AGAP4: variants seen among roughly 807,000 people sequenced by gnomAD.
AGAP4 encodes ArfGAP with GTPase domain, ankyrin repeat and PH domain 4.
AGAP4 carries 13 observed loss-of-function variants against 60.7 expected under a neutral mutation model. That is an observed-to-expected ratio of 0.21 (90% CI 0.14 to 0.34). The LOEUF (loss-of-function observed/expected upper bound fraction) is 0.34. Among genes scored for constraint, AGAP4 ranks in the 10% least tolerant of loss-of-function variants. The pLI, the probability that AGAP4 is intolerant of heterozygous loss-of-function variation, is 1.00. For synonymous variants in AGAP4, 70 were observed against 339.0 expected (o/e 0.21, Z 8.72); for missense variants, 169 against 884.0 (o/e 0.19, Z 10.26).
At chr10:45,828,598 T>C (rs1158432845) in intron 6 of AGAP4, among the ~76,000 whole-genome samples, 2 of 147,434 alleles carry the variant, frequency 1.4e-5, no homozygotes, top group East Asian at 2.0e-4. Context: ...TGTGCCTGTG[T>C]ATAAACCAGT....
At chr10:45,846,250 T>A (rs1554899448) in intron 2 of AGAP4, among the ~76,000 whole-genome samples, 1 of 151,454 alleles carries the variant, frequency 6.6e-6, no homozygotes, top group Non-Finnish European at 1.5e-5. Context: ...CACAACCATT[T>A]TTCTGCAGCC....
Position 45,832,573 on chromosome 10 carries a change from T to C in AGAP4, c.498-1144A>G, listed in dbSNP as rs1242986278. On this transcript the variant is annotated intron_variant, in intron 5 of 7. Transcript: ENST00000616763. ...AGCAGCAAAGTTTGGAATGATTGAG[T>C]TGGGGTGAAAATCAGAATCTTCTGG... is the stretch of plus-strand genomic sequence containing the variant. Among the ~76,000 whole-genome samples, 158 of 144,488 alleles carry C rather than the reference T, an allele frequency of 1.1e-3. 2 individuals carry two copies. The highest frequency in any genetic ancestry group is 3.7e-3 in the African/African-American group (141 of 38,496). The allele number at this position is 144,488 out of a possible 152,430, so 94.8% of individuals were successfully genotyped here.
chr10:45,847,541 G>A, upstream of AGAP4: 1 of 1,468,362 alleles, frequency 6.8e-7, no homozygotes, highest in Non-Finnish European at 8.9e-7. Context: ...AGGGCTGCGG[G>A]CCAAGGCCCG....
rs1352460724 is a variant in AGAP4 at position 45,844,255 on chromosome 10, A to G, written c.361+71T>C. On this transcript the variant is annotated intron_variant, in intron 3 of 7. Transcript: ENST00000616763. ...TTTAAACCAATATGAGTTTTTCTAAATACTTTCTATAACCTGATCAAACAA... is the reference window on the plus strand; with the variant it reads ...TTTAAACCAATATGAGTTTTTCTAAGTACTTTCTATAACCTGATCAAACAA... The G allele has an allele frequency of 3.2e-6, 5 of 1,575,304 alleles. No homozygotes were observed. The East Asian group carries it at 9.0e-5, about 28-fold the overall frequency.
intron 4 of AGAP4, among the ~76,000 whole-genome samples, chr10:45,838,769 A>T (rs1554898290): frequency 1.3e-5 from 2 of 151,686 alleles, no homozygotes; most frequent in South Asian, 2.1e-4. Context: ...AGATATGAGG[A>T]CTTGCGATGT....
exon 1 of AGAP4, chr10:45,853,703 A>C (rs2059110178): frequency 1.6e-5 from 21 of 1,287,798 alleles, no homozygotes; most frequent in Middle Eastern, 6.5e-4. Flanking sequence ...GTTGGTCAGA[A>C]GCTCCTCTTG....
At position 45,841,104 on chromosome 10, in the gene AGAP4, AT is replaced by A. The variant is rs782328893; in HGVS notation, c.396+548del. 4.5e-3 allele frequency among the ~76,000 whole-genome samples: 317 copies of A among 69,922 alleles called. 21 individuals carry two copies. The highest frequency in any genetic ancestry group is 6.2e-3 in the Non-Finnish European group (218 of 35,124). 45.9% of individuals were successfully genotyped at this position (69,922 alleles called of 152,430 possible). A position where few individuals can be genotyped will look rare whatever the true frequency, so the allele number is the denominator to read the frequency against. ...AAAATAAGATTAAATATTTAAGGCA[AT>A]TTTTTTTTTTTTTTTGAGACAGAGT... On this transcript the variant is annotated intron_variant, in intron 4 of 7. Coordinates refer to ENST00000616763, the MANE Select transcript of AGAP4 (RefSeq NM_001276343.3).
chr10:45,851,291 C>T (rs1394899827), upstream of AGAP4, among the ~76,000 whole-genome samples: 1 of 151,680 alleles, frequency 6.6e-6, no homozygotes, highest in African/African-American at 2.4e-5. Context: ...AAGAGACCTG[C>T]ATATGAATCA....
At chr10:45,834,502 C>G (rs1176732769) in intron 4 of AGAP4, among the ~76,000 whole-genome samples, 41 of 126,472 alleles carry the variant, frequency 3.2e-4, no homozygotes, top group African/African-American at 1.4e-3. Flanking sequence ...GGTGAAACCC[C>G]GTCTCTACTA....
chr10:45,844,639 G>C (rs2058972093), intron 2 of AGAP4: 2 of 291,010 alleles, frequency 6.9e-6, no homozygotes, highest in Non-Finnish European at 1.2e-5. Flanking sequence ...GCCAGCATGA[G>C]TAACATAATG....
chr10:45,837,399 C>T (rs1211202805), intron 4 of AGAP4, among the ~76,000 whole-genome samples: 12,931 of 140,268 alleles, frequency 0.092, 1 homozygote, highest in African/African-American at 0.24. Context: ...AAACAAGAAC[C>T]GGCACAGCCA....
upstream of AGAP4, among the ~76,000 whole-genome samples, chr10:45,849,561 T>C (rs1343280497): frequency 6.6e-6 from 1 of 151,168 alleles, no homozygotes; most frequent in Non-Finnish European, 1.5e-5. Flanking sequence ...CATTTTCAGA[T>C]TGTGTCTTGT....
intron 1 of AGAP4, among the ~76,000 whole-genome samples, chr10:45,853,155 T>TGACA (rs1554900689): frequency 6.7e-6 from 1 of 150,146 alleles, no homozygotes; most frequent in African/African-American, 2.4e-5. Context: ...AAACATTTGA[T>TGACA]GACAGTCAAG....
intron 3 of AGAP4, among the ~76,000 whole-genome samples, chr10:45,844,019 A>C (rs1306968135): frequency 1.2e-4 from 18 of 150,098 alleles, no homozygotes; most frequent in Non-Finnish European, 1.8e-4. Context: ...GTAAATAAAG[A>C]TGAATCCATT....
At chr10:45,850,080 A>C (rs1590044381), upstream of AGAP4, among the ~76,000 whole-genome samples, 2 of 151,482 alleles carry the variant, frequency 1.3e-5, no homozygotes, top group South Asian at 4.2e-4. Context: ...CAGGAGCCCA[A>C]CCCCATGCTC....
intron 4 of AGAP4, among the ~76,000 whole-genome samples, chr10:45,840,109 C>G (rs1241734746): frequency 6.7e-6 from 1 of 148,444 alleles, no homozygotes; most frequent in African/African-American, 2.5e-5. Context: ...GAAAAGATCC[C>G]CAACAAGCTG....
chr10:45,841,749 T>G, intron 3 of AGAP4, 62 bp from the exon 4 acceptor site: 1 of 726,518 alleles, frequency 1.4e-6, no homozygotes, highest in Non-Finnish European at 2.1e-6. Flanking sequence ...TAAAAGTAGT[T>G]GTTAACATCT....
chr10:45,831,248 G>T, intron 6 of AGAP4, 146 bp downstream of exon 6: 2 of 941,194 alleles, frequency 2.1e-6, no homozygotes, highest in Admixed American at 2.4e-5. Context: ...AGAGTCTTAA[G>T]GAACAAAGAA....
At chr10:45,853,635 G>A in intron 1 of AGAP4, 2 of 1,286,370 alleles carry the variant, frequency 1.6e-6, no homozygotes, top group Non-Finnish European at 2.0e-6. Context: ...ACACAGCCAT[G>A]GATCGGGAGA....
Sources: allele counts gnomAD v4.1 joint callset (sites outside exome capture counted in the v4.1 genomes callset), GRCh38; gene constraint gnomAD v4.1.1; transcripts MANE v1.5; gene names NCBI Gene and HGNC (gene_info 2026-07-23, HGNC 2026-07-21).